The following MFSD1 variants were observed in gnomAD, a reference collection of about 807,000 sequenced individuals.
The protein encoded by MFSD1 is major facilitator superfamily domain containing 1, also known as lysosomal dipeptide transporter MFSD1.
A neutral mutation model predicts 67.1 loss-of-function variants in MFSD1; 59 were observed. The observed-to-expected ratio is 0.88, with a 90% CI of 0.71 to 1.09. The LOEUF (loss-of-function observed/expected upper bound fraction) is 1.09, where lower values mean the gene tolerates loss of function less well. Among genes scored for constraint, MFSD1 ranks in the 50% least tolerant of loss-of-function variants. MFSD1 has a pLI of 0.00. For synonymous variants in MFSD1, 213 were observed against 200.3 expected (o/e 1.06, Z -0.54); for missense variants, 552 against 566.1 (o/e 0.97, Z 0.25).
At chr3:158,809,153 GTTT>G in intron 5 of MFSD1, 23 bp from the exon 6 acceptor site, 61 of 1,204,522 alleles carry the variant, frequency 5.1e-5, no homozygotes, top group South Asian at 6.0e-5. Flanking sequence ...GTGACTTCTG[GTTT>G]TTTTTTTTTT....
At chr3:158,826,840 A>C (rs1183580116) in intron 14 of MFSD1, among the ~76,000 whole-genome samples, 1 of 151,566 alleles carries the variant, frequency 6.6e-6, no homozygotes. Flanking sequence ...GCTAATTTTA[A>C]AATTTTTTCT....
chr3:158,829,578 G>A lies in MFSD1; in HGVS notation c.*596G>A, dbSNP rs918893715. The A allele has an allele frequency of 2.0e-5, 3 of 152,128 alleles. No individual in the cohort carries two copies. Among genetic ancestry groups the A allele is most frequent in the African/African-American group, 7.2e-5 (3 of 41,420 alleles). 9.4% of individuals were successfully genotyped at this position (152,128 alleles called of 1,614,324 possible). ...CAATTTCTTATTTCTGTGTTACTGA[G>A]GACCCTAATCACTTAGGGATGTAAT... On this transcript the variant is annotated 3_prime_UTR_variant, in exon 16 of 16. Coordinates refer to ENST00000415822, the MANE Select transcript of MFSD1 (RefSeq NM_022736.4).
In MFSD1 at chr3:158,822,076, T is replaced by C; in HGVS notation, c.1013T>C (p.Val338Ala). ...AACATCATCTGGGTTCTTTGCGCAG[T>C]AGCAGCCACTCTTGTGTCCCACATG... ...GKNIIWVLCA[V>A]AATLVSHMML... The change falls in exon 11 of 16, where the codon GTA becomes GCA. Residue 338 changes from valine to alanine, a missense_variant. Val to Ala is a moderately conservative substitution (Grantham distance 64, BLOSUM62 0). Coordinates refer to ENST00000415822, the MANE Select transcript of MFSD1 (RefSeq NM_022736.4). The C allele has an allele frequency of 6.2e-7, 1 of 1,614,004 alleles. No homozygotes were observed. The highest frequency in any genetic ancestry group is 8.5e-7 in the Non-Finnish European group (1 of 1,179,910).
intron 3 of MFSD1, 30 bp from the exon 4 acceptor site, chr3:158,807,010 T>C (rs1179686295): frequency 5.7e-6 from 9 of 1,581,766 alleles, no homozygotes; most frequent in Non-Finnish European, 5.2e-6. Flanking sequence ...TTTTTCTTTT[T>C]CTCATTCTCA....
In MFSD1 at chr3:158,820,224, T is replaced by G. The variant is rs1030831544; in HGVS notation, c.761T>G (p.Ile254Ser). ...HKEQGKTGEV[I>S]KLTDVKDFSL... Reference sequence around the variant, plus strand: ...CCCTTTCTTCTCTAAGGTGAAGTTATTAAATTAACTGATGTAAAGGACTTC... The same window carrying G: ...CCCTTTCTTCTCTAAGGTGAAGTTAGTAAATTAACTGATGTAAAGGACTTC... The change falls in exon 9 of 16, where the codon ATT becomes AGT. Residue 254 changes from isoleucine to serine, a missense_variant. Physicochemically the swap from Ile to Ser is moderately radical, Grantham distance 142. Coordinates refer to ENST00000415822, the MANE Select transcript of MFSD1 (RefSeq NM_022736.4). The G allele has an allele frequency of 1.9e-6, 3 of 1,583,506 alleles. No individual in the cohort carries two copies. The highest frequency in any genetic ancestry group is 2.6e-6 in the Non-Finnish European group (3 of 1,152,586).
chr3:158,806,328 G>A (rs1729726583), intron 3 of MFSD1, among the ~76,000 whole-genome samples: 1 of 151,934 alleles, frequency 6.6e-6, no homozygotes, highest in African/African-American at 2.4e-5. Context: ...GGTCAGATTG[G>A]CAGGAGATGA....
intron 15 of MFSD1, among the ~76,000 whole-genome samples, chr3:158,827,824 A>G (rs1731063252): frequency 6.6e-6 from 1 of 151,990 alleles, no homozygotes; most frequent in Non-Finnish European, 1.5e-5. Context: ...AAATTTAAAA[A>G]TGGATATTAA....
Position 158,802,131 on chromosome 3 carries a change from C to G in MFSD1, c.-22C>G. 6.2e-7 allele frequency: 1 copy of G among 1,611,094 alleles called. No homozygotes were observed. Among genetic ancestry groups the G allele is most frequent in the South Asian group, 1.1e-5 (1 of 90,670 alleles). Reference sequence around the variant, plus strand: ...GGTTTGGAGTTGTCACCACTTTCCCCTCTCCGTCTCCTGCGGGCGCAATGG... The same window carrying G: ...GGTTTGGAGTTGTCACCACTTTCCCGTCTCCGTCTCCTGCGGGCGCAATGG... On this transcript the variant is annotated 5_prime_UTR_variant, in exon 1 of 16. Transcript: ENST00000415822.
At chr3:158,820,094 A>AT (rs1196642868) in intron 8 of MFSD1, 121 bp from the exon 9 acceptor site, 2 of 605,024 alleles carry the variant, frequency 3.3e-6, no homozygotes, top group Admixed American at 3.1e-5. Context: ...CTAGAAAAGT[A>AT]TTTTTTTAAG....
chr3:158,819,547 A>G, intron 7 of MFSD1, 102 bp from the exon 8 acceptor site: 1 of 528,734 alleles, frequency 1.9e-6, no homozygotes, highest in South Asian at 3.3e-5. Flanking sequence ...CATCCCTTTC[A>G]GTTGCTGTTT....
At chr3:158,823,839 G>A (rs1000418555) in intron 12 of MFSD1, among the ~76,000 whole-genome samples, 1 of 152,150 alleles carries the variant, frequency 6.6e-6, no homozygotes, top group Non-Finnish European at 1.5e-5. Context: ...GGGGGAAACC[G>A]CACCTGTGGT....
chr3:158,807,205 C>T (rs1044189564), intron 4 of MFSD1, 123 bp downstream of exon 4: 23 of 990,944 alleles, frequency 2.3e-5, no homozygotes, highest in African/African-American at 3.3e-5. Flanking sequence ...CCCATAAATG[C>T]CCATGTGATA....
At chr3:158,810,580 G>C (rs1324526286) in intron 6 of MFSD1, among the ~76,000 whole-genome samples, 1 of 152,092 alleles carries the variant, frequency 6.6e-6, no homozygotes, top group African/African-American at 2.4e-5. Context: ...AAAGTTCTGT[G>C]CATCTCTTTT....
intron 7 of MFSD1, among the ~76,000 whole-genome samples, chr3:158,817,830 C>T (rs556315165): frequency 3.9e-5 from 6 of 152,314 alleles, no homozygotes; most frequent in South Asian, 2.1e-4. Flanking sequence ...GGAGGCATCA[C>T]GCTACCTGAC....
At chr3:158,818,452 ACTC>A (rs1730493034) in intron 7 of MFSD1, among the ~76,000 whole-genome samples, 1 of 151,526 alleles carries the variant, frequency 6.6e-6, no homozygotes, top group African/African-American at 2.4e-5. Context: ...ACCAGAATTT[ACTC>A]CTCCTAATTG....
chr3:158,821,926 G>T (rs1730697403), intron 10 of MFSD1, 58 bp from the exon 11 acceptor site: 1 of 1,549,156 alleles, frequency 6.5e-7, no homozygotes, highest in Admixed American at 1.7e-5. Context: ...AGACTTTCTT[G>T]AAACTGATGT....
intron 1 of MFSD1, among the ~76,000 whole-genome samples, chr3:158,804,035 A>G (rs1293206100): frequency 2.6e-5 from 4 of 152,218 alleles, no homozygotes; most frequent in Admixed American, 2.0e-4. Context: ...ATAAAATAGT[A>G]TATGTGTGAA....
At position 158,802,079 on chromosome 3, in the gene MFSD1, T is replaced by G. The variant is rs942209448; in HGVS notation, c.-74T>G. On this transcript the variant is annotated 5_prime_UTR_variant, in exon 1 of 16. Transcript: ENST00000415822. ...AGTCATGTGACCGCCGTCTTGACAG[T>G]GTTCCACGGGCGCTGCTTCCTGCCT... is the stretch of plus-strand genomic sequence containing the variant. The G allele has an allele frequency of 3.2e-6, 5 of 1,570,744 alleles. No individual in the cohort carries two copies. The highest frequency in any genetic ancestry group is 4.3e-6 in the Non-Finnish European group (5 of 1,163,126).
chr3:158,805,459 G>A lies in MFSD1; in HGVS notation c.314G>A (p.Arg105Gln). Residue 105 changes from arginine (R) to glutamine (Q), a missense_variant, in exon 3 of 16, where the codon CGA (arginine) becomes CAA (glutamine). Arg to Gln is a conservative substitution (Grantham distance 43). Coordinates refer to ENST00000415822, the MANE Select transcript of MFSD1 (RefSeq NM_022736.4). ...TTCTTTGGTGGCTTTTTGATAGACCGAGTATTTGGAATACGGTAAGCTTGA... is the reference window on the plus strand; with the variant it reads ...TTCTTTGGTGGCTTTTTGATAGACCAAGTATTTGGAATACGGTAAGCTTGA... ...LCFFGGFLID[R>Q]VFGIRWGTII... 7 of 1,611,502 alleles carry A rather than the reference G, an allele frequency of 4.3e-6. No individual in the cohort carries two copies. The highest frequency in any genetic ancestry group is 2.2e-5 in the East Asian group (1 of 44,846).
Sources: allele counts gnomAD v4.1 joint callset (sites outside exome capture counted in the v4.1 genomes callset), GRCh38; gene constraint gnomAD v4.1.1; transcripts MANE v1.5; gene names NCBI Gene and HGNC (gene_info 2026-07-23, HGNC 2026-07-21).